RGPD3: variants seen among roughly 807,000 people sequenced by gnomAD.
RGPD3 encodes the protein RANBP2 like and GRIP domain containing 3.
RGPD3 carries 62 observed loss-of-function variants against 154.5 expected under a neutral mutation model. The observed-to-expected ratio is 0.40, with a 90% confidence interval of 0.33 to 0.50. The LOEUF (loss-of-function observed/expected upper bound fraction) is 0.50. Ranked by LOEUF, RGPD3 falls within the 20% of genes least tolerant of loss-of-function variation. The pLI is 0.59. For missense variants in RGPD3, 919 were observed against 1,716.8 expected, an observed-to-expected ratio of 0.54 and a Z score of 8.21; for synonymous variants, 308 against 607.0, an observed-to-expected ratio of 0.51 and a Z score of 7.24.
intron 20 of RGPD3, among the ~76,000 whole-genome samples, chr2:106,418,319 TA>T (rs1014184477): frequency 1.3e-5 from 2 of 149,482 alleles, no homozygotes; most frequent in Admixed American, 1.3e-4. Context: ...TGGCCAAAAT[TA>T]AAAGACTAGA....
chr2:106,403,483 GC>G lies in RGPD3; in HGVS notation c.*1735del, dbSNP rs1340534533. On this transcript the variant is annotated 3_prime_UTR_variant, in exon 23 of 23. Transcript: ENST00000409886. ...CATTGCAGAAACCATGAAAGAATAT[GC>G]CTTTTGTAATCAATTTTTTATCATG... 2.6e-5 allele frequency among the ~76,000 whole-genome samples: 4 copies of G among 152,042 alleles called. No homozygotes were observed. The highest frequency in any genetic ancestry group is 5.9e-5 in the Non-Finnish European group (4 of 68,008).
intron 6 of RGPD3, among the ~76,000 whole-genome samples, chr2:106,450,521 T>C (rs2104503521): frequency 1.4e-5 from 2 of 146,852 alleles, no homozygotes; most frequent in East Asian, 4.2e-4. Flanking sequence ...TCTCCCCTCC[T>C]GAGCCTCCCC....
At chr2:106,468,439 G>A (rs1678719608), upstream of RGPD3, 2 of 1,466,024 alleles carry the variant, frequency 1.4e-6, no homozygotes, top group Non-Finnish European at 1.8e-6. Context: ...TGCGTCAACA[G>A]TGTGTGGAAC....
rs1426659176 is a variant in RGPD3, at chr2:106,404,941, T to G, written c.*278A>C. The G allele has an allele frequency of 1.7e-5, 9 of 516,522 alleles. No homozygotes were observed. The highest frequency in any genetic ancestry group is 3.2e-5 in the Non-Finnish European group (9 of 284,832). 32.0% of individuals were successfully genotyped at this position (516,522 alleles called of 1,614,324 possible). A position where few individuals can be genotyped will look rare whatever the true frequency, so the allele number is the denominator to read the frequency against. On this transcript the variant is annotated 3_prime_UTR_variant, in exon 23 of 23. Transcript: ENST00000409886. The stretch of plus-strand genomic sequence containing the variant: ...TTATTCTGGCAGCATGCATGGGAGA[T>G]CACATGAGTTAGAGGGCTGTGGCCT...
intron 7 of RGPD3, among the ~76,000 whole-genome samples, chr2:106,446,362 T>A (rs1341889758): frequency 6.6e-6 from 1 of 151,466 alleles, no homozygotes; most frequent in Non-Finnish European, 1.5e-5. Context: ...GGTCAGGAGA[T>A]TGAGACCATC....
chr2:106,468,765 C>T (rs1463327574), upstream of RGPD3, among the ~76,000 whole-genome samples: 1 of 142,540 alleles, frequency 7.0e-6, no homozygotes, highest in Non-Finnish European at 1.5e-5. Context: ...GAGATTGCCC[C>T]ACTGTACTCT....
chr2:106,436,282 A>G, intron 11 of RGPD3, 36 bp from the exon 12 acceptor site: 5 of 1,611,574 alleles, frequency 3.1e-6, no homozygotes, highest in Non-Finnish European at 4.2e-6. Context: ...ATTGCTTTCT[A>G]AATACACAGT....
At chr2:106,410,134 C>T (rs1468656550) in intron 22 of RGPD3, among the ~76,000 whole-genome samples, 1 of 151,950 alleles carries the variant, frequency 6.6e-6, no homozygotes, top group African/African-American at 2.4e-5. Flanking sequence ...CCTCAGCCTC[C>T]CAAAGTGCTG....
At chr2:106,466,860 C>T (rs1329866745) in intron 1 of RGPD3, among the ~76,000 whole-genome samples, 1 of 72,570 alleles carries the variant, frequency 1.4e-5, no homozygotes, top group Non-Finnish European at 2.8e-5. Context: ...GGAGCCATGA[C>T]GCCTGAGCCA....
At chr2:106,412,708 T>A in intron 22 of RGPD3, 1 of 463,256 alleles carries the variant, frequency 2.2e-6, no homozygotes, top group Admixed American at 2.4e-5. Context: ...CTATTTGGGG[T>A]TGGAGGAAGG....
intron 18 of RGPD3, among the ~76,000 whole-genome samples, chr2:106,427,069 A>T (rs1319465012): frequency 3.4e-5 from 5 of 147,644 alleles, no homozygotes; most frequent in East Asian, 1.9e-4. Context: ...AATATTAAAT[A>T]AAAAAAAAAT....
In RGPD3 at chr2:106,424,283, C is replaced by G. The variant is rs779981715; in HGVS notation, c.3684G>C (p.Ala1228=). 5 of 1,611,844 alleles carry G rather than the reference C, an allele frequency of 3.1e-6. No individual in the cohort carries two copies. The highest frequency in any genetic ancestry group is 4.2e-6 in the Non-Finnish European group (5 of 1,179,864). The part of the protein sequence containing the change: ...EEENKGSGTG[A]AGASDTTIKP... ...TTATTGTTGTGTCTGAGGCACCGGC[C>G]GCACCTGTACCTGAACCCTTATTTT... The change falls in exon 20 of 23, where the codon GCG becomes GCC. Residue 1228 remains alanine, a synonymous_variant. Coordinates refer to ENST00000409886, the MANE Select transcript of RGPD3 (RefSeq NM_001144013.2).
At chr2:106,469,901 CT>C (rs1027144601), upstream of RGPD3, among the ~76,000 whole-genome samples, 2 of 151,980 alleles carry the variant, frequency 1.3e-5, no homozygotes, top group Non-Finnish European at 2.9e-5. Flanking sequence ...CTCGTAACTC[CT>C]TTCTCAAAAT....
chr2:106,451,104 AAAAGAAAG>A (rs1161760822), intron 6 of RGPD3, among the ~76,000 whole-genome samples: 20 of 146,350 alleles, frequency 1.4e-4, no homozygotes, highest in Non-Finnish European at 1.2e-4. Context: ...AAAAAAACAA[AAAAGAAAG>A]AAAGAAAGAA....
Position 106,425,130 on chromosome 2 carries a change from C to T in RGPD3, c.2837G>A (p.Gly946Asp). 1.2e-6 allele frequency: 2 copies of T among 1,611,956 alleles called. No homozygotes were observed. Among genetic ancestry groups the T allele is most frequent in the Non-Finnish European group, 1.7e-6 (2 of 1,179,850 alleles). Reference protein sequence around the residue: ...KSEKPLENDTGLQAQDISGRK... With the variant: ...KSEKPLENDTDLQAQDISGRK... ...GCCACTAATATCCTGAGCCTGTAAGCCAGTATCATTTTCAAGAGGCTTTTC... is the reference window on the plus strand; with the variant it reads ...GCCACTAATATCCTGAGCCTGTAAGTCAGTATCATTTTCAAGAGGCTTTTC... The change falls in exon 20 of 23, where the codon GGC (glycine) becomes GAC (aspartate). Residue 946 changes from glycine (G) to aspartate (D), a missense_variant. By Grantham distance (94) the Gly-to-Asp change is moderately conservative (BLOSUM62 -1). Transcript: ENST00000409886.
intron 8 of RGPD3, among the ~76,000 whole-genome samples, chr2:106,439,962 T>G (rs1380491572): frequency 9.8e-6 from 1 of 102,248 alleles, no homozygotes; most frequent in African/African-American, 3.5e-5. Flanking sequence ...AGTCCTCGGA[T>G]AAAGTACTGA....
intron 20 of RGPD3, among the ~76,000 whole-genome samples, chr2:106,420,830 C>A (rs1424449275): frequency 6.6e-6 from 1 of 152,254 alleles, no homozygotes; most frequent in South Asian, 2.1e-4. Context: ...AGCTGGAGTG[C>A]AGTGATGTGA....
intron 22 of RGPD3, among the ~76,000 whole-genome samples, chr2:106,410,336 T>C (rs1040048008): frequency 2.6e-5 from 4 of 152,182 alleles, no homozygotes; most frequent in African/African-American, 2.4e-5. Flanking sequence ...TGTTTTCCTG[T>C]CTGTTTACAG....
Position 106,424,526 on chromosome 2 carries a change from C to A in RGPD3, c.3441G>T (p.Leu1147Phe), listed in dbSNP as rs560165842. 1.0e-5 allele frequency: 16 copies of A among 1,606,590 alleles called. No homozygotes were observed. The highest frequency in any genetic ancestry group is 1.4e-5 in the Non-Finnish European group (16 of 1,179,122). Residue 1147 changes from leucine (L) to phenylalanine (F), a missense_variant, in exon 20 of 23, where the codon TTG becomes TTT. Transcript: ENST00000409886. The part of the protein sequence containing the change: ...FSDGDAKLER[L>F]AAKFKTPELA... ...GCTCTGGTGTTTTAAATTTTGCTGCCAATCGCTCTAGTTTGGCATCACCAT... is the reference window on the plus strand; with the variant it reads ...GCTCTGGTGTTTTAAATTTTGCTGCAAATCGCTCTAGTTTGGCATCACCAT...
Sources: gnomAD v4.1 joint callset for allele counts (sites outside exome capture counted in the v4.1 genomes callset) on GRCh38, gnomAD v4.1.1 for gene constraint, MANE v1.5 for transcripts, NCBI Gene and HGNC (gene_info 2026-07-23, HGNC 2026-07-21) for gene names.